Variants in BTAF1 observed in about 807,000 individuals in gnomAD.
BTAF1 encodes TATA-binding protein-associated factor 172.
In BTAF1, 38 loss-of-function variants were observed where a neutral mutation model predicts 227.1. The observed-to-expected ratio is 0.17, with a 90% CI of 0.13 to 0.22. The LOEUF is 0.22. Ranked by LOEUF, BTAF1 falls within the 10% of genes least tolerant of loss-of-function variation. The probability of loss-of-function intolerance (pLI) is 1.00; values close to 1 mark genes in which losing one functional copy is unlikely to be tolerated. For missense variants in BTAF1, 1,598 were observed against 2,204.0 expected (o/e 0.73, Z 5.51); for synonymous variants, 742 against 751.9 (o/e 0.99, Z 0.21).
chr10:91,942,833 A>G (rs1414629035), intron 4 of BTAF1, among the ~76,000 whole-genome samples: 1 of 152,176 alleles, frequency 6.6e-6, no homozygotes, highest in Non-Finnish European at 1.5e-5. Context: ...CAATTTTATT[A>G]TGTAGTATGG....
At chr10:92,017,212 G>A (rs1214102590) in intron 33 of BTAF1, among the ~76,000 whole-genome samples, 18 of 152,150 alleles carry the variant, frequency 1.2e-4, no homozygotes, top group Admixed American at 1.0e-3. Flanking sequence ...TTTCTTAATC[G>A]AGGGGCTAGG....
rs749308374 is a variant in BTAF1, at chr10:92,013,820, ATATAAT to A, written c.4453+18_4453+23del. ...AGAGCAAGAAGCAGGTATGAAAGAG[ATATAAT>A]TATAACCCTGTGTAAGTGAATATAA... On this transcript the variant is annotated intron_variant, in intron 31 of 37. Transcript: ENST00000265990. 17 of 1,613,832 alleles carry A rather than the reference ATATAAT, an allele frequency of 1.1e-5. No individual in the cohort carries two copies. Among genetic ancestry groups the A allele is most frequent in the Admixed American group, 3.3e-5 (2 of 59,992 alleles).
intron 1 of BTAF1, among the ~76,000 whole-genome samples, chr10:91,933,439 A>C (rs1205470663): frequency 6.6e-6 from 1 of 152,186 alleles, no homozygotes; most frequent in African/African-American, 2.4e-5. Context: ...AACTGATGAG[A>C]GTTGAGCAGT....
intron 6 of BTAF1, among the ~76,000 whole-genome samples, chr10:91,954,269 C>T (rs1408133009): frequency 6.6e-6 from 1 of 152,100 alleles, no homozygotes; most frequent in Non-Finnish European, 1.5e-5. Flanking sequence ...TGTCTAAGGA[C>T]CACAAGTTAA....
rs1203991804 is a variant in BTAF1, at chr10:92,031,177, G to C, written c.*2244G>C. 2.6e-5 allele frequency among the ~76,000 whole-genome samples: 4 copies of C among 152,170 alleles called. No homozygotes were observed. The highest frequency in any genetic ancestry group is 6.5e-5 in the Admixed American group (1 of 15,268). ...AAACTGTTAAAAATATAGATTCAGA[G>C]ATTATTAGTCTTATCATTTGGGTTT... On this transcript the variant is annotated 3_prime_UTR_variant, in exon 38 of 38. Transcript: ENST00000265990.
chr10:91,949,891 T>C (rs1047355864), intron 4 of BTAF1, among the ~76,000 whole-genome samples: 1 of 152,062 alleles, frequency 6.6e-6, no homozygotes, highest in Non-Finnish European at 1.5e-5. Flanking sequence ...ATCCCAGCGC[T>C]TTGGTAGGCC....
chr10:91,951,668 T>G, intron 5 of BTAF1, 102 bp downstream of exon 5: 1 of 1,213,180 alleles, frequency 8.2e-7, no homozygotes, highest in Admixed American at 2.7e-5. Flanking sequence ...TACTTAGCTC[T>G]GTTCATTGCT....
chr10:91,951,432 C>T lies in BTAF1; in HGVS notation c.430C>T (p.Arg144Cys), dbSNP rs780477587. 16 of 1,611,948 alleles carry T rather than the reference C, an allele frequency of 9.9e-6. No individual in the cohort carries two copies. Among genetic ancestry groups the T allele is most frequent in the African/African-American group, 8.0e-5 (6 of 74,782 alleles). ...AGTGGATCCTAAAGAGAGGATAGCACGCCAACGAAAATTATTACAGAAGAA... is the reference window on the plus strand; with the variant it reads ...AGTGGATCCTAAAGAGAGGATAGCATGCCAACGAAAATTATTACAGAAGAA... ...GEVDPKERIA[R>C]QRKLLQKKLG... is the part of the protein sequence containing the mutation. The change falls in exon 5 of 38, where the codon CGC becomes TGC. Residue 144 changes from arginine to cysteine, a missense_variant. Coordinates refer to ENST00000265990, the MANE Select transcript of BTAF1 (RefSeq NM_003972.3).
chr10:91,956,427 T>C (rs2133878140), intron 6 of BTAF1, 101 bp from the exon 7 acceptor site: 1 of 1,317,992 alleles, frequency 7.6e-7, no homozygotes, highest in South Asian at 1.4e-5. Flanking sequence ...TGATGGATTA[T>C]CTTAAATTCA....
Position 91,956,586 on chromosome 10 carries a change from A to G in BTAF1, c.760A>G (p.Ile254Val). The change falls in exon 7 of 38, where the codon ATT (isoleucine) becomes GTT (valine). Residue 254 changes from isoleucine (I) to valine (V), a missense_variant. Physicochemically the swap from Ile to Val is conservative, Grantham distance 29. Around this residue, in one of 10 missense-constraint regions of BTAF1, gnomAD observed 298 missense variants for 395.2 expected, o/e 0.75. Coordinates refer to ENST00000265990, the MANE Select transcript of BTAF1 (RefSeq NM_003972.3). ...EKRRKIANVV[I>V]NQSANDSKVL... is the part of the protein sequence containing the mutation. ...GAGACGGAAAATAGCAAATGTTGTT[A>G]TTAATCAGTCTGCAAATGATTCCAA... is the stretch of plus-strand genomic sequence containing the variant. 6.2e-7 allele frequency: 1 copy of G among 1,604,226 alleles called. No individual in the cohort carries two copies. Among genetic ancestry groups the G allele is most frequent in the Middle Eastern group, 1.7e-4 (1 of 6,000 alleles).
intron 1 of BTAF1, among the ~76,000 whole-genome samples, chr10:91,924,432 A>G (rs969500031): frequency 2.0e-5 from 3 of 152,088 alleles, no homozygotes; most frequent in African/African-American, 4.8e-5. Context: ...CTGGTCCCTA[A>G]CCTCCATTTC....
intron 21 of BTAF1, among the ~76,000 whole-genome samples, chr10:91,992,604 T>A (rs1342136922): frequency 2.0e-5 from 3 of 152,196 alleles, no homozygotes; most frequent in Non-Finnish European, 4.4e-5. Flanking sequence ...AAGCTAACTT[T>A]TCTCTGTCCT....
At chr10:91,984,057 A>C (rs1377036235) in intron 18 of BTAF1, 144 bp from the exon 19 acceptor site, 1 of 703,476 alleles carries the variant, frequency 1.4e-6, no homozygotes. Context: ...TTTTCTGTGC[A>C]ATTAACTGTT....
intron 14 of BTAF1, among the ~76,000 whole-genome samples, chr10:91,979,419 A>ACC (rs1767981073): frequency 6.6e-6 from 1 of 152,132 alleles, no homozygotes; most frequent in Non-Finnish European, 1.5e-5. Flanking sequence ...CTTGTTTCAA[A>ACC]CCATGTTGAG....
chr10:91,954,431 T>G (rs1845959500), intron 6 of BTAF1, among the ~76,000 whole-genome samples: 1 of 152,180 alleles, frequency 6.6e-6, no homozygotes, highest in Non-Finnish European at 1.5e-5. Context: ...CACTGTCCTC[T>G]GTTTCTTCAT....
At chr10:91,986,485 T>C (rs1345303442) in intron 19 of BTAF1, among the ~76,000 whole-genome samples, 2 of 152,226 alleles carry the variant, frequency 1.3e-5, no homozygotes, top group Admixed American at 6.5e-5. Flanking sequence ...TCCCCATTTC[T>C]AGTTGAAAAA....
intron 19 of BTAF1, among the ~76,000 whole-genome samples, chr10:91,986,124 A>G (rs1459523201): frequency 6.7e-6 from 1 of 149,518 alleles, no homozygotes; most frequent in Non-Finnish European, 1.5e-5. Context: ...TTTGGAATTA[A>G]TGTTTGTGTA....
At position 91,994,662 on chromosome 10, in the gene BTAF1, G is replaced by A. The variant is rs370783129; in HGVS notation, c.3309+18G>A. ...ATCCCTTGGTAACTAACTAATGCAAGTGTAATATTTCTTCAAATAAAACAA... is the reference window on the plus strand; with the variant it reads ...ATCCCTTGGTAACTAACTAATGCAAATGTAATATTTCTTCAAATAAAACAA... On this transcript the variant is annotated intron_variant, in intron 23 of 37. Transcript: ENST00000265990. The A allele has an allele frequency of 8.3e-6, 13 of 1,573,630 alleles. No homozygotes were observed. Among genetic ancestry groups the A allele is most frequent in the South Asian group, 1.1e-5 (1 of 89,850 alleles).
At chr10:92,010,753 C>T (rs1249355994) in intron 28 of BTAF1, among the ~76,000 whole-genome samples, 1 of 152,164 alleles carries the variant, frequency 6.6e-6, no homozygotes, top group Non-Finnish European at 1.5e-5. Flanking sequence ...ATTATGGGGA[C>T]ACATGATTGG....
Sources: allele counts gnomAD v4.1 joint callset (sites outside exome capture counted in the v4.1 genomes callset), GRCh38; gene constraint gnomAD v4.1.1; regional missense constraint gnomAD v4.1.1; transcripts MANE v1.5; gene names NCBI Gene and HGNC (gene_info 2026-07-23, HGNC 2026-07-21).